The following CUX1 variants were observed in gnomAD, a reference collection of about 807,000 sequenced individuals.
CUX1 encodes cut like homeobox 1.
In CUX1, 31 loss-of-function variants were observed where a neutral mutation model predicts 158.8. That is an observed-to-expected ratio of 0.20 (90% CI 0.15 to 0.26). CUX1 has a LOEUF of 0.26. Among genes scored for constraint, CUX1 ranks in the 10% least tolerant of loss-of-function variants. The pLI is 1.00. For synonymous variants in CUX1, 879 were observed against 862.1 expected (o/e 1.02, Z -0.34); for missense variants, 1,589 against 2,014.6 (o/e 0.79, Z 4.04).
At chr7:102,046,438 A>G (rs1284206855) in intron 3 of CUX1, among the ~76,000 whole-genome samples, 2 of 151,994 alleles carry the variant, frequency 1.3e-5, no homozygotes, top group Non-Finnish European at 2.9e-5. Flanking sequence ...TCGTCACGTT[A>G]GCCAGGCTGG....
intron 10 of CUX1, among the ~76,000 whole-genome samples, chr7:102,171,650 GT>G (rs2131700209): frequency 6.6e-6 from 1 of 152,024 alleles, no homozygotes; most frequent in East Asian, 1.9e-4. Context: ...GTTTTGTCGC[GT>G]TGCCCAGGCT....
intron 9 of CUX1, among the ~76,000 whole-genome samples, chr7:102,163,891 C>T (rs1554507924): frequency 1.3e-5 from 2 of 152,170 alleles, no homozygotes. Flanking sequence ...TCTACGGAGA[C>T]CTGAAGTGCT....
intron 2 of CUX1, among the ~76,000 whole-genome samples, chr7:101,959,807 C>T (rs573797843): frequency 2.0e-5 from 3 of 152,262 alleles, no homozygotes; most frequent in Middle Eastern, 3.4e-3. Flanking sequence ...AGGATTTCAC[C>T]GCGTACATAT....
In CUX1 at chr7:102,278,128, C is replaced by G. The variant is rs1791743157; in HGVS notation, c.1680+63C>G. ...AGGCAGGGAGAGAGGCCGATCAGGG[C>G]TCTGGAGATGGGAGGGTCGGGGACC... On this transcript the variant is annotated intron_variant, in intron 18 of 22. Transcript: ENST00000292538. 21 of 1,243,948 alleles carry G rather than the reference C, an allele frequency of 1.7e-5. No individual in the cohort carries two copies. The Admixed American group carries it at 2.3e-4, about 13-fold the overall frequency. 77.1% of individuals were successfully genotyped at this position (1,243,948 alleles called of 1,614,324 possible).
chr7:102,200,288 C>G (rs1212619959), intron 17 of CUX1, 116 bp downstream of exon 17: 1 of 774,908 alleles, frequency 1.3e-6, no homozygotes, highest in Non-Finnish European at 2.0e-6. Flanking sequence ...AATGCCTGTT[C>G]TCAAGCATTT....
intron 1 of CUX1, among the ~76,000 whole-genome samples, chr7:101,833,225 AC>A (rs900374967): frequency 6.7e-6 from 1 of 149,308 alleles, no homozygotes; most frequent in African/African-American, 2.5e-5. Context: ...GCACAGTGAG[AC>A]CCCATCTCTA....
rs901069788 is a variant in CUX1, at chr7:102,198,235, G to A, written c.1895-567G>A. 2.0e-5 allele frequency among the ~76,000 whole-genome samples: 3 copies of A among 152,136 alleles called. No homozygotes were observed. The East Asian group carries it at 5.8e-4, about 29-fold the overall frequency. Reference sequence around the variant, plus strand: ...TGATTGAGCCACTGCACTCCAGTCTGGGCAACAGAGTGAGAACCTGCCTCA... The same window carrying A: ...TGATTGAGCCACTGCACTCCAGTCTAGGCAACAGAGTGAGAACCTGCCTCA... On this transcript the variant is annotated intron_variant, in intron 15 of 23. Coordinates refer to ENST00000292535, the MANE Select transcript of CUX1 (RefSeq NM_181552.4).
intron 1 of CUX1, among the ~76,000 whole-genome samples, chr7:101,840,490 C>T (rs1209987142): frequency 6.6e-6 from 1 of 152,178 alleles, no homozygotes; most frequent in Non-Finnish European, 1.5e-5. Flanking sequence ...CTATTCATGT[C>T]CATGCAGTTT....
At chr7:102,082,421 G>A (rs564413395) in intron 4 of CUX1, among the ~76,000 whole-genome samples, 1 of 146,936 alleles carries the variant, frequency 6.8e-6, no homozygotes, top group Non-Finnish European at 1.5e-5. Flanking sequence ...AGCTACTCAG[G>A]AGGCTGACGC....
intron 2 of CUX1, among the ~76,000 whole-genome samples, chr7:102,011,285 G>A (rs985713688): frequency 4.6e-5 from 7 of 152,018 alleles, no homozygotes; most frequent in Middle Eastern, 6.8e-3. Context: ...CGCAGTGGGC[G>A]TTCGGAGGAC....
intron 8 of CUX1, among the ~76,000 whole-genome samples, chr7:102,142,035 G>C (rs548977525): frequency 6.6e-6 from 1 of 152,188 alleles, no homozygotes; most frequent in South Asian, 2.1e-4. Context: ...GCTTTTAGTA[G>C]AGACAGGTTG....
chr7:102,232,457 A>T (rs1375367443), intron 21 of CUX1, among the ~76,000 whole-genome samples: 1 of 152,208 alleles, frequency 6.6e-6, no homozygotes, highest in Non-Finnish European at 1.5e-5. Flanking sequence ...TGTAAGCCAC[A>T]GAGAGAACAA....
At chr7:102,160,049 C>T (rs184288696) in intron 9 of CUX1, among the ~76,000 whole-genome samples, 1 of 152,030 alleles carries the variant, frequency 6.6e-6, no homozygotes, top group African/African-American at 2.4e-5. Flanking sequence ...GGTGCGGTGA[C>T]ATGCACCTGT....
chr7:101,923,787 T>C (rs549978197), intron 2 of CUX1, among the ~76,000 whole-genome samples: 5 of 152,354 alleles, frequency 3.3e-5, no homozygotes, highest in Non-Finnish European at 7.3e-5. Context: ...GCCCTGACTG[T>C]CGGAGACGCC....
intron 18 of CUX1, among the ~76,000 whole-genome samples, chr7:102,202,925 G>A (rs186776746): frequency 3.9e-5 from 6 of 152,240 alleles, no homozygotes; most frequent in East Asian, 1.9e-4. Flanking sequence ...AGGGTTAACC[G>A]TGCCTGCCAA....
chr7:102,196,759 C>A lies in CUX1; in HGVS notation c.1348C>A (p.Gln450Lys), dbSNP rs781827512. 1 of 1,614,138 alleles carries A rather than the reference C, an allele frequency of 6.2e-7. No homozygotes were observed. Among genetic ancestry groups the A allele is most frequent in the South Asian group, 1.1e-5 (1 of 91,072 alleles). The stretch of plus-strand genomic sequence containing the variant: ...GGCTTCCAATACTAATGGTACACAC[C>A]AGTTCTCACCAGCGGGGTTAAGTCA... The part of the protein sequence containing the change: ...EQASNTNGTH[Q>K]FSPAGLSQDF... Residue 450 changes from glutamine to lysine, a missense_variant, in exon 15 of 24, where the codon CAG becomes AAG. By Grantham distance (53) the Gln-to-Lys change is moderately conservative. Coordinates refer to ENST00000292535, the MANE Select transcript of CUX1 (RefSeq NM_181552.4).
At chr7:102,146,433 C>T (rs546714838) in intron 8 of CUX1, among the ~76,000 whole-genome samples, 2 of 152,248 alleles carry the variant, frequency 1.3e-5, no homozygotes, top group South Asian at 2.1e-4. Flanking sequence ...TCATTTCGTT[C>T]GGTTCATCAG....
At chr7:102,135,743 G>A (rs1833836500) in intron 8 of CUX1, among the ~76,000 whole-genome samples, 1 of 152,166 alleles carries the variant, frequency 6.6e-6, no homozygotes. Flanking sequence ...GGGAGGCCAA[G>A]GCAGGCGGAT....
intron 3 of CUX1, among the ~76,000 whole-genome samples, chr7:102,045,438 G>GCGCGCCCC (rs1822642676): frequency 6.6e-6 from 1 of 152,232 alleles, no homozygotes; most frequent in South Asian, 2.1e-4. Context: ...CACTGCGCCC[G>GCGCGCCCC]CGCGCCCCCT....
Sources: gnomAD v4.1 joint callset for allele counts (sites outside exome capture counted in the v4.1 genomes callset) on GRCh38, gnomAD v4.1.1 for gene constraint, MANE v1.5 for transcripts, NCBI Gene and HGNC (gene_info 2026-07-23, HGNC 2026-07-21) for gene names.